GLIS3: variants seen among roughly 807,000 people sequenced by gnomAD.
GLIS3 encodes zinc finger protein GLIS3.
GLIS3 carries 53 observed loss-of-function variants against 78.6 expected under a neutral mutation model. The observed-to-expected ratio is 0.67, with a 90% CI of 0.54 to 0.85. The LOEUF (loss-of-function observed/expected upper bound fraction) is 0.85, where lower values mean the gene tolerates loss of function less well. GLIS3 is among the 40% of genes least tolerant of loss of function. GLIS3 has a pLI of 0.00. For missense variants in GLIS3, 1,703 were observed against 1,231.1 expected (o/e 1.38, Z -5.74); for synonymous variants, 684 against 509.9 (o/e 1.34, Z -4.60).
chr9:3,930,907 C>T (rs1466148612), intron 6 of GLIS3, among the ~76,000 whole-genome samples: 18 of 152,076 alleles, frequency 1.2e-4, no homozygotes, highest in Admixed American at 7.9e-4. Context: ...AAATAATAGA[C>T]GGTGGTTCTG....
rs188670675 is a variant in GLIS3 at position 4,173,254 on chromosome 9, T to A, written c.389-47313A>T. ...AAGCAGACCTTTTAAGTGGCTACAT[T>A]TCAGTAAAAGCTCCTATTATATTAA... On this transcript the variant is annotated intron_variant, in intron 2 of 10. Transcript: ENST00000381971. 4.1e-4 allele frequency among the ~76,000 whole-genome samples: 63 copies of A among 152,282 alleles called. 1 individual carries two copies. The East Asian group carries it at 0.012, about 28-fold the overall frequency.
intron 4 of GLIS3, among the ~76,000 whole-genome samples, chr9:3,951,849 C>T (rs1588298540): frequency 7.1e-6 from 1 of 141,468 alleles, no homozygotes; most frequent in Non-Finnish European, 1.5e-5. Flanking sequence ...TGAACACACA[C>T]ACACACACAC....
At chr9:4,101,511 A>T (rs931046728) in intron 4 of GLIS3, among the ~76,000 whole-genome samples, 1 of 152,216 alleles carries the variant, frequency 6.6e-6, no homozygotes, top group African/African-American at 2.4e-5. Flanking sequence ...TCTAAACAAA[A>T]TATCCCAAAA....
intron 4 of GLIS3, among the ~76,000 whole-genome samples, chr9:4,025,087 C>T (rs1453174375): frequency 1.3e-5 from 2 of 151,950 alleles, no homozygotes; most frequent in Non-Finnish European, 2.9e-5. Flanking sequence ...CCCATCTCTA[C>T]TAAAAATACA....
chr9:3,967,013 A>AG (rs1817994922), intron 4 of GLIS3, among the ~76,000 whole-genome samples: 1 of 125,446 alleles, frequency 8.0e-6, no homozygotes, highest in Non-Finnish European at 1.6e-5. Flanking sequence ...TCTTTCTGCA[A>AG]AAAAAAAAAA....
At chr9:4,070,100 A>T (rs1264191952) in intron 4 of GLIS3, among the ~76,000 whole-genome samples, 1 of 152,042 alleles carries the variant, frequency 6.6e-6, no homozygotes, top group Non-Finnish European at 1.5e-5. Flanking sequence ...CTATAAATAT[A>T]TATAATATAT....
chr9:4,461,739 C>T, the GLIS3 span, among the ~76,000 whole-genome samples: 1 of 152,148 alleles, frequency 6.6e-6, no homozygotes, highest in African/African-American at 2.4e-5. Context: ...TTTCCCTCAC[C>T]CAATATCAGC....
intron 4 of GLIS3, among the ~76,000 whole-genome samples, chr9:4,067,003 C>T (rs967777659): frequency 1.3e-5 from 2 of 152,148 alleles, no homozygotes; most frequent in African/African-American, 4.8e-5. Context: ...TGACATGCAG[C>T]CAGACCCTCC....
intron 2 of GLIS3, among the ~76,000 whole-genome samples, chr9:4,250,943 G>C (rs1053226781): frequency 1.8e-4 from 27 of 148,714 alleles, no homozygotes; most frequent in Middle Eastern, 3.4e-3. Flanking sequence ...TCTTAATCTT[G>C]AGTTCTAATT....
chr9:3,856,303 C>T (rs559756789), intron 8 of GLIS3, 119 bp from the exon 9 acceptor site: 2 of 905,414 alleles, frequency 2.2e-6, no homozygotes, highest in South Asian at 1.5e-5. Context: ...GACAACAAGC[C>T]TTTTAAAAAA....
At chr9:4,057,101 C>A (rs1384537764) in intron 4 of GLIS3, among the ~76,000 whole-genome samples, 1 of 151,998 alleles carries the variant, frequency 6.6e-6, no homozygotes, top group African/African-American at 2.4e-5. Context: ...TTCTAGAACA[C>A]CTGGATGTGC....
chr9:4,435,880 T>C, the GLIS3 span, among the ~76,000 whole-genome samples: 6,540 of 151,974 alleles, frequency 0.043, 277 homozygotes, highest in Non-Finnish European at 0.058. Flanking sequence ...ACTCGGGAGG[T>C]GGAGCTTGCA....
chr9:3,913,478 G>A (rs1234288013), intron 6 of GLIS3, among the ~76,000 whole-genome samples: 2 of 152,170 alleles, frequency 1.3e-5, no homozygotes, highest in Non-Finnish European at 2.9e-5. Context: ...CCATGATGGA[G>A]GTCACACAGA....
chr9:4,077,092 T>C (rs1415868061), intron 4 of GLIS3, among the ~76,000 whole-genome samples: 1 of 141,826 alleles, frequency 7.1e-6, no homozygotes, highest in Non-Finnish European at 1.5e-5. Flanking sequence ...TCCAATTTTC[T>C]TCTTATTTGT....
the GLIS3 span, among the ~76,000 whole-genome samples, chr9:4,392,948 T>C: frequency 9.1e-4 from 139 of 152,054 alleles, no homozygotes; most frequent in Admixed American, 3.9e-3. Flanking sequence ...TTTTTTTTTT[T>C]CCCCACATAT....
chr9:3,829,266 C>T (rs766186319), intron 10 of GLIS3, 44 bp downstream of exon 10: 2 of 1,585,216 alleles, frequency 1.3e-6, no homozygotes, highest in South Asian at 1.1e-5. Context: ...CTGGTCTCTC[C>T]TGTCAGTTGA....
chr9:3,931,093 A>G (rs1380429648), intron 6 of GLIS3, among the ~76,000 whole-genome samples: 2 of 152,196 alleles, frequency 1.3e-5, no homozygotes, highest in Non-Finnish European at 2.9e-5. Flanking sequence ...TGGGATTCCA[A>G]TTAAAGAAAT....
intron 9 of GLIS3, among the ~76,000 whole-genome samples, chr9:3,843,343 T>C (rs944288621): frequency 1.3e-5 from 2 of 152,204 alleles, no homozygotes; most frequent in African/African-American, 4.8e-5. Flanking sequence ...GCTTCATAGC[T>C]GAGTCTCTAT....
Position 4,158,362 on chromosome 9 carries a change from G to A in GLIS3, c.389-32421C>T, listed in dbSNP as rs569078882. 7.9e-5 allele frequency among the ~76,000 whole-genome samples: 12 copies of A among 152,270 alleles called. No individual in the cohort carries two copies. The South Asian group carries it at 2.1e-3, about 26-fold the overall frequency. On this transcript the variant is annotated intron_variant, in intron 2 of 10. Transcript: ENST00000381971. ...GGGCAGAGGTCACAGTTACTGGGCTGTTACTGTCCCCTCTGTCACGGAATT... is the reference window on the plus strand; with the variant it reads ...GGGCAGAGGTCACAGTTACTGGGCTATTACTGTCCCCTCTGTCACGGAATT...
Sources: gnomAD v4.1 joint callset for allele counts (sites outside exome capture counted in the v4.1 genomes callset) on GRCh38, gnomAD v4.1.1 for gene constraint, MANE v1.5 for transcripts, NCBI Gene and HGNC (gene_info 2026-07-23, HGNC 2026-07-21) for gene names.